RAB30: variants seen among roughly 807,000 people sequenced by gnomAD.
The protein encoded by RAB30 is ras-related protein Rab-30.
A neutral mutation model predicts 25.1 loss-of-function variants in RAB30; 9 were observed. The ratio of observed to expected loss-of-function variants is 0.36; its 90% CI spans 0.22 to 0.63. RAB30 has a LOEUF of 0.63. RAB30 is among the 20% of genes least tolerant of loss of function. The pLI, the probability that RAB30 is intolerant of heterozygous loss-of-function variation, is 0.69. For missense variants in RAB30, 140 were observed against 243.5 expected (o/e 0.58, Z 2.83); for synonymous variants, 77 against 86.4 (o/e 0.89, Z 0.60).
intron 1 of RAB30, chr11:83,035,207 A>T (rs1857961467): frequency 6.6e-6 from 1 of 152,010 alleles, no homozygotes; most frequent in East Asian, 1.9e-4. Flanking sequence ...TAGAGTGCTC[A>T]CCTTAAAACA....
At chr11:83,034,513 GACCC>G (rs1416544269) in intron 1 of RAB30, 1 of 152,190 alleles carries the variant, frequency 6.6e-6, no homozygotes. Context: ...AGGACCCAGG[GACCC>G]TGAGAGGCAC....
intron 1 of RAB30, among the ~76,000 whole-genome samples, chr11:83,048,220 A>C (rs1858275061): frequency 6.6e-6 from 1 of 152,010 alleles, no homozygotes; most frequent in Non-Finnish European, 1.5e-5. Context: ...AAAAAATCCC[A>C]CCTCTAATCC....
intron 1 of RAB30, among the ~76,000 whole-genome samples, chr11:83,033,235 T>C (rs11233435): frequency 0.035 from 5,343 of 151,784 alleles, 145 homozygotes; most frequent in East Asian, 0.11. Context: ...CAGCTAATTT[T>C]TGTATTTTTA....
At chr11:83,055,993 T>A (rs886730509) in intron 1 of RAB30, among the ~76,000 whole-genome samples, 11 of 152,250 alleles carry the variant, frequency 7.2e-5, no homozygotes, top group Non-Finnish European at 1.5e-4. Flanking sequence ...GTAGCACAAA[T>A]GGACTAAGAC....
intron 1 of RAB30, among the ~76,000 whole-genome samples, chr11:83,069,916 C>A (rs1858793176): frequency 6.6e-6 from 1 of 152,214 alleles, no homozygotes; most frequent in Non-Finnish European, 1.5e-5. Flanking sequence ...AAGAAATTCT[C>A]TTCAAAGAGG....
At chr11:83,015,481 T>A (rs1339307332) in intron 1 of RAB30, among the ~76,000 whole-genome samples, 1 of 152,066 alleles carries the variant, frequency 6.6e-6, no homozygotes, top group Non-Finnish European at 1.5e-5. Flanking sequence ...AAACTGAGAT[T>A]GGAGTGGAGC....
At chr11:83,017,580 C>T (rs1857466360) in intron 1 of RAB30, among the ~76,000 whole-genome samples, 1 of 152,144 alleles carries the variant, frequency 6.6e-6, no homozygotes. Flanking sequence ...ATTCCTATGC[C>T]TTTGCATCCT....
chr11:83,056,113 A>G (rs1253995447), intron 1 of RAB30, among the ~76,000 whole-genome samples: 1 of 152,212 alleles, frequency 6.6e-6, no homozygotes, highest in African/African-American at 2.4e-5. Context: ...ATTGATGTGC[A>G]GCCAATCTAT....
intron 1 of RAB30, among the ~76,000 whole-genome samples, chr11:83,067,659 C>CA (rs950680513): frequency 3.3e-5 from 5 of 152,326 alleles, no homozygotes; most frequent in African/African-American, 1.2e-4. Flanking sequence ...CCTATCCCCC[C>CA]ATCCAATCAA....
intron 1 of RAB30, among the ~76,000 whole-genome samples, chr11:83,053,620 CAA>C (rs36050063): frequency 3.5e-5 from 5 of 144,800 alleles, no homozygotes; most frequent in African/African-American, 1.0e-4. Flanking sequence ...TAAATGCCTT[CAA>C]AAAAAAAAAA....
intron 1 of RAB30, among the ~76,000 whole-genome samples, chr11:83,054,395 T>C (rs1858415193): frequency 6.6e-6 from 1 of 152,196 alleles, no homozygotes; most frequent in Non-Finnish European, 1.5e-5. Context: ...ATCTGGCATA[T>C]AATAGATATA....
intron 1 of RAB30, among the ~76,000 whole-genome samples, chr11:83,069,136 A>G (rs1858773344): frequency 6.6e-6 from 1 of 152,212 alleles, no homozygotes; most frequent in Admixed American, 6.5e-5. Context: ...AAAGAAATGA[A>G]TAGTTATTTA....
intron 1 of RAB30, among the ~76,000 whole-genome samples, chr11:83,054,175 G>A (rs1245749636): frequency 6.6e-6 from 1 of 152,138 alleles, no homozygotes; most frequent in African/African-American, 2.4e-5. Context: ...TATCTTCCTG[G>A]AGTCATTTCC....
chr11:83,067,473 C>G (rs1158563798), intron 1 of RAB30, among the ~76,000 whole-genome samples: 1 of 152,174 alleles, frequency 6.6e-6, no homozygotes, highest in African/African-American at 2.4e-5. Flanking sequence ...TACACATGGA[C>G]AGCAAGAGTG....
intron 4 of RAB30, chr11:82,986,934 G>A (rs1255068616): frequency 2.6e-5 from 4 of 152,100 alleles, no homozygotes; most frequent in African/African-American, 4.8e-5. Flanking sequence ...TTCCTTTCTA[G>A]GAAGAAAATA....
chr11:82,984,186 A>T (rs1856694773), intron 4 of RAB30, among the ~76,000 whole-genome samples: 1 of 152,306 alleles, frequency 6.6e-6, no homozygotes, highest in South Asian at 2.1e-4. Context: ...TTGATAAATG[A>T]CTTCTGGCCT....
Position 83,044,715 on chromosome 11 carries a change from C to T in RAB30, c.-9+26976G>A, listed in dbSNP as rs79006378. ...CATCAGAACTGAAAAATAAATGCAG[C>T]AAAGAATTTGTTTTAGGCATCATTG... On this transcript the variant is annotated intron_variant, in intron 1 of 4. Coordinates refer to ENST00000527633, the MANE Select transcript of RAB30 (RefSeq NM_001286060.2). Among the ~76,000 whole-genome samples, 1,492 of 152,292 alleles carry T rather than the reference C, an allele frequency of 9.8e-3. 16 individuals are homozygous for T. Among genetic ancestry groups the T allele is most frequent in the Non-Finnish European group, 0.015 (1,037 of 68,024 alleles).
chr11:83,044,948 T>C (rs533725884), intron 1 of RAB30, among the ~76,000 whole-genome samples: 2 of 152,352 alleles, frequency 1.3e-5, no homozygotes, highest in East Asian at 3.9e-4. Flanking sequence ...GGCTATCAGG[T>C]CTTCAAGGAA....
rs1386204988 is a variant in RAB30, at chr11:82,982,030, A to T, written c.*135T>A. 1 of 1,257,808 alleles carries T rather than the reference A, an allele frequency of 8.0e-7. No individual in the cohort carries two copies. Among genetic ancestry groups the T allele is most frequent in the Non-Finnish European group, 1.1e-6 (1 of 901,716 alleles). The allele number at this position is 1,257,808 out of a possible 1,614,324, so 77.9% of individuals were successfully genotyped here. A position where few individuals can be genotyped will look rare whatever the true frequency, so the allele number is the denominator to read the frequency against. On this transcript the variant is annotated 3_prime_UTR_variant, in exon 5 of 5. Coordinates refer to ENST00000527633, the MANE Select transcript of RAB30 (RefSeq NM_001286060.2). Reference sequence around the variant, plus strand: ...CTGTGGTCGAGGCCCTTGGCCTGCCATGCTTTGTAAGCTCAGGAGCCCACA... The same window carrying T: ...CTGTGGTCGAGGCCCTTGGCCTGCCTTGCTTTGTAAGCTCAGGAGCCCACA...
Sources: gnomAD v4.1 joint callset for allele counts (sites outside exome capture counted in the v4.1 genomes callset) on GRCh38, gnomAD v4.1.1 for gene constraint, MANE v1.5 for transcripts, NCBI Gene and HGNC (gene_info 2026-07-23, HGNC 2026-07-21) for gene names.